The following CROT variants were observed in gnomAD, a reference collection of about 807,000 sequenced individuals.
CROT encodes the protein carnitine O-octanoyltransferase.
CROT carries 84 observed loss-of-function variants against 89.2 expected under a neutral mutation model. The observed-to-expected ratio is 0.94, with a 90% CI of 0.79 to 1.13. The LOEUF is 1.13. Among genes scored for constraint, CROT ranks in the 50% most tolerant of loss-of-function variants. The pLI is 0.00. For synonymous variants in CROT, 212 were observed against 239.5 expected (o/e 0.89, Z 1.06); for missense variants, 711 against 727.8 (o/e 0.98, Z 0.27).
chr7:87,392,755 C>G lies in CROT; in HGVS notation c.1530C>G (p.Leu510=). The part of the protein sequence containing the change: ...GKGFDRHLLG[L]LLIAKEEGLP... ...GATTTGATCGTCACCTTTTAGGTCT[C>G]TTACTCATAGCAAAAGAGGAAGGTC... is the stretch of plus-strand genomic sequence containing the variant. Residue 510 remains leucine (L), a synonymous_variant, in exon 16 of 18, where the codon CTC becomes CTG. Coordinates refer to ENST00000331536, the MANE Select transcript of CROT (RefSeq NM_021151.4). 6.2e-7 allele frequency: 1 copy of G among 1,613,682 alleles called. No individual in the cohort carries two copies. The highest frequency in any genetic ancestry group is 1.7e-4 in the Middle Eastern group (1 of 6,056).
chr7:87,398,926 C>T lies in CROT; in HGVS notation c.*282C>T, dbSNP rs1244710310. On this transcript the variant is annotated 3_prime_UTR_variant, in exon 18 of 18. Coordinates refer to ENST00000331536, the MANE Select transcript of CROT (RefSeq NM_021151.4). ...TTTAAGCCTCAACAATCCAAATCTA[C>T]AAACTTTAACAATGCAAGTCTTACT... 1 of 306,990 alleles carries T rather than the reference C, an allele frequency of 3.3e-6. No individual in the cohort carries two copies. The highest frequency in any genetic ancestry group is 7.4e-5 in the East Asian group (1 of 13,532). 19.0% of individuals were successfully genotyped at this position (306,990 alleles called of 1,614,324 possible). A position where few individuals can be genotyped will look rare whatever the true frequency, so the allele number is the denominator to read the frequency against.
chr7:87,357,008 C>T lies in CROT; in HGVS notation c.116-2198C>T, dbSNP rs557096068. On this transcript the variant is annotated intron_variant, in intron 3 of 17. Coordinates refer to ENST00000331536, the MANE Select transcript of CROT (RefSeq NM_021151.4). ...TTGCACTCCAGCCTGGGTGATAGAG[C>T]GAGACTCTGTCTCAAAATATATATA... Among the ~76,000 whole-genome samples, 8 of 152,196 alleles carry T rather than the reference C, an allele frequency of 5.3e-5. No individual in the cohort carries two copies. In the South Asian group the frequency reaches 8.3e-4, roughly 16 times the overall value.
At chr7:87,361,213 T>C (rs184191076) in intron 4 of CROT, among the ~76,000 whole-genome samples, 177 bp from the exon 5 acceptor site, 34 of 152,122 alleles carry the variant, frequency 2.2e-4, no homozygotes, top group Middle Eastern at 3.4e-3. Flanking sequence ...TCCTCCCACC[T>C]TGGCCTCCCA....
intron 6 of CROT, 60 bp from the exon 7 acceptor site, chr7:87,369,316 G>T (rs1362580654): frequency 7.5e-6 from 8 of 1,069,352 alleles, no homozygotes; most frequent in African/African-American, 1.6e-5. Flanking sequence ...TTGGATATAT[G>T]CATCTTTACT....
At chr7:87,380,142 TG>T (rs2115998250) in intron 10 of CROT, among the ~76,000 whole-genome samples, 1 of 152,242 alleles carries the variant, frequency 6.6e-6, no homozygotes, top group East Asian at 1.9e-4. Context: ...AATAAGCATA[TG>T]TACTGTAAAA....
At chr7:87,361,289 A>C in intron 4 of CROT, 101 bp from the exon 5 acceptor site, 2 of 1,184,850 alleles carry the variant, frequency 1.7e-6, no homozygotes, top group Admixed American at 2.3e-5. Flanking sequence ...AATGTTGAAG[A>C]ATAATTAAAG....
At chr7:87,390,939 G>C (rs1807339045) in intron 13 of CROT, among the ~76,000 whole-genome samples, 1 of 152,182 alleles carries the variant, frequency 6.6e-6, no homozygotes, top group Non-Finnish European at 1.5e-5. Context: ...CATTTTTTGT[G>C]ATGCAGCTTA....
intron 6 of CROT, among the ~76,000 whole-genome samples, chr7:87,363,752 G>T (rs1195135707): frequency 6.6e-6 from 1 of 152,210 alleles, no homozygotes; most frequent in African/African-American, 2.4e-5. Context: ...ACTGTTTGAA[G>T]AATAGACTTT....
At chr7:87,394,334 A>G (rs866266265) in intron 17 of CROT, among the ~76,000 whole-genome samples, 48 of 152,272 alleles carry the variant, frequency 3.2e-4, no homozygotes, top group African/African-American at 1.1e-3. Flanking sequence ...GTTTATTCTC[A>G]TGTATTTTTC....
intron 3 of CROT, among the ~76,000 whole-genome samples, chr7:87,351,525 A>AGATCAAGT (rs1444643094): frequency 6.6e-6 from 1 of 152,142 alleles, no homozygotes; most frequent in Non-Finnish European, 1.5e-5. Flanking sequence ...TAGCTCTAAT[A>AGATCAAGT]TTATAATAGA....
At chr7:87,381,155 G>T (rs1181937013) in intron 10 of CROT, among the ~76,000 whole-genome samples, 1 of 152,184 alleles carries the variant, frequency 6.6e-6, no homozygotes, top group Non-Finnish European at 1.5e-5. Context: ...CAAGCTCGCA[G>T]TGTCACGTTC....
chr7:87,347,491 G>A (rs1273351623), intron 2 of CROT, among the ~76,000 whole-genome samples: 1 of 152,240 alleles, frequency 6.6e-6, no homozygotes, highest in Non-Finnish European at 1.5e-5. Flanking sequence ...CTTGGATCCA[G>A]ATCTACATTT....
chr7:87,379,961 A>G (rs1806938104), intron 10 of CROT, among the ~76,000 whole-genome samples: 1 of 152,090 alleles, frequency 6.6e-6, no homozygotes, highest in South Asian at 2.1e-4. Flanking sequence ...AAAATAAAAA[A>G]TTAGTTGGGC....
chr7:87,366,240 GA>G (rs1285547284), intron 6 of CROT, among the ~76,000 whole-genome samples: 2 of 149,816 alleles, frequency 1.3e-5, no homozygotes, highest in East Asian at 1.9e-4. Context: ...TCGCAAGGGG[GA>G]ATTTTTTTTT....
chr7:87,361,744 C>A lies in CROT; in HGVS notation c.439C>A (p.His147Asn). 6.3e-7 allele frequency: 1 copy of A among 1,582,774 alleles called. No homozygotes were observed. The highest frequency in any genetic ancestry group is 1.2e-5 in the South Asian group (1 of 84,538). Residue 147 changes from histidine (H) to asparagine (N), a missense_variant, in exon 6 of 18, where the codon CAT (histidine) becomes AAT (asparagine). Physicochemically the swap from His to Asn is moderately conservative, Grantham distance 68. Transcript: ENST00000331536. ...QLLRKEKVPV[H>N]KVGNTPLDMN... ...TTTTAATAGAGAAAAAGTGCCTGTT[C>A]ATAAAGTTGGAAATACTCCTCTAGA...
intron 3 of CROT, among the ~76,000 whole-genome samples, chr7:87,358,839 G>A (rs938599657): frequency 9.9e-5 from 15 of 152,088 alleles, no homozygotes; most frequent in African/African-American, 3.1e-4. Flanking sequence ...GTTCAAACTC[G>A]TGTTGTTCGA....
At chr7:87,370,477 C>T (rs889702523) in intron 7 of CROT, among the ~76,000 whole-genome samples, 1 of 152,136 alleles carries the variant, frequency 6.6e-6, no homozygotes, top group Admixed American at 6.5e-5. Flanking sequence ...GCCACCACAC[C>T]CAGCCAAATA....
chr7:87,380,077 C>T (rs990095514), intron 10 of CROT, among the ~76,000 whole-genome samples: 2 of 152,082 alleles, frequency 1.3e-5, no homozygotes, highest in Non-Finnish European at 2.9e-5. Context: ...TACCACTGCA[C>T]TCCCACCCAG....
intron 13 of CROT, among the ~76,000 whole-genome samples, chr7:87,388,494 G>A (rs1489261324): frequency 6.6e-6 from 1 of 152,022 alleles, no homozygotes; most frequent in African/African-American, 2.4e-5. Flanking sequence ...CATCTGATCT[G>A]TAACAAACCT....
Sources: allele counts gnomAD v4.1 joint callset (sites outside exome capture counted in the v4.1 genomes callset), GRCh38; gene constraint gnomAD v4.1.1; transcripts MANE v1.5; gene names NCBI Gene and HGNC (gene_info 2026-07-23, HGNC 2026-07-21).